The following IBTK variants were observed in gnomAD, a reference collection of about 807,000 sequenced individuals.
IBTK encodes BTK-binding protein.
A neutral mutation model predicts 154.9 loss-of-function variants in IBTK; 83 were observed. The ratio of observed to expected loss-of-function variants is 0.54; its 90% CI spans 0.45 to 0.64. The LOEUF is 0.64. Among genes scored for constraint, IBTK ranks in the 30% least tolerant of loss-of-function variants. The probability of loss-of-function intolerance (pLI) is 0.00; values close to 1 mark genes in which losing one functional copy is unlikely to be tolerated. For missense variants in IBTK, 1,332 were observed against 1,584.6 expected, an observed-to-expected ratio of 0.84 and a Z score of 2.71; for synonymous variants, 515 against 536.1, an observed-to-expected ratio of 0.96 and a Z score of 0.54.
chr6:82,202,379 A>G (rs887753188), intron 18 of IBTK, 149 bp downstream of exon 18: 10 of 585,478 alleles, frequency 1.7e-5, no homozygotes, highest in Non-Finnish European at 3.0e-5. Context: ...TAATTCTAAA[A>G]TGTACATAAC....
chr6:82,208,216 T>C (rs1396958723), intron 16 of IBTK, among the ~76,000 whole-genome samples: 1 of 151,376 alleles, frequency 6.6e-6, no homozygotes, highest in Admixed American at 6.6e-5. Flanking sequence ...AATATAGATA[T>C]TATACATATA....
rs544363123 is a variant in IBTK, at chr6:82,228,650, C to G, written c.544-1348G>C. Reference sequence around the variant, plus strand: ...TTTTTTTTTTTTTTTGAGACGGAGTCTCGCTCTGTCACCCAGGCTGGAGTG... The same window carrying G: ...TTTTTTTTTTTTTTTGAGACGGAGTGTCGCTCTGTCACCCAGGCTGGAGTG... On this transcript the variant is annotated intron_variant, in intron 4 of 28. Transcript: ENST00000306270. Among the ~76,000 whole-genome samples, 24 of 149,874 alleles carry G rather than the reference C, an allele frequency of 1.6e-4. No homozygotes were observed. The South Asian group carries it at 5.0e-3, about 32-fold the overall frequency.
intron 5 of IBTK, among the ~76,000 whole-genome samples, chr6:82,225,980 C>A (rs1429266479): frequency 6.6e-6 from 1 of 151,584 alleles, no homozygotes; most frequent in African/African-American, 2.4e-5. Context: ...GAAAAAAAAA[C>A]AAAAATACAG....
chr6:82,231,889 T>C (rs745795525), intron 3 of IBTK, 47 bp from the exon 4 acceptor site: 4 of 1,113,022 alleles, frequency 3.6e-6, no homozygotes, highest in East Asian at 2.6e-5. Flanking sequence ...TTAAAACACA[T>C]ATAAGAACTA....
intron 3 of IBTK, among the ~76,000 whole-genome samples, chr6:82,232,048 T>C (rs925344868): frequency 7.7e-6 from 1 of 129,574 alleles, no homozygotes; most frequent in African/African-American, 3.0e-5. Context: ...CTTGCTTCTT[T>C]TTTTTTTGTT....
Position 82,224,146 on chromosome 6 carries a change from C to T in IBTK, c.865G>A (p.Val289Ile), listed in dbSNP as rs757965458. 2.2e-5 allele frequency: 35 copies of T among 1,614,020 alleles called. No homozygotes were observed. The highest frequency in any genetic ancestry group is 6.6e-5 in the South Asian group (6 of 91,080). ...KYLKGRTIIG[V>I]AAGRFHTVLW... ...ACTGTATGAAACCTGCCTGCTGCAA[C>T]GCCAATGATTGTCCTTCCTTTCAGA... The change falls in exon 7 of 29, where the codon GTT (valine) becomes ATT (isoleucine). Residue 289 changes from valine to isoleucine, a missense_variant. Physicochemically the swap from Val to Ile is conservative, Grantham distance 29 (BLOSUM62 3). Transcript: ENST00000306270.
chr6:82,190,026 A>G (rs905099213), intron 25 of IBTK, among the ~76,000 whole-genome samples: 22 of 152,134 alleles, frequency 1.4e-4, no homozygotes, highest in Middle Eastern at 3.2e-3. Flanking sequence ...GAAGGTGCTT[A>G]ACAAATACTG....
chr6:82,196,070 G>C (rs1768974788), intron 22 of IBTK, among the ~76,000 whole-genome samples: 1 of 151,908 alleles, frequency 6.6e-6, no homozygotes, highest in South Asian at 2.1e-4. Context: ...TTATATTTTA[G>C]TTGCACAAAG....
chr6:82,243,256 G>C (rs2127831151), intron 1 of IBTK, among the ~76,000 whole-genome samples: 1 of 147,910 alleles, frequency 6.8e-6, no homozygotes, highest in Admixed American at 6.8e-5. Flanking sequence ...AAAAAAAAAA[G>C]TGTTTGGTAG....
chr6:82,194,843 A>C (rs534149975), intron 22 of IBTK, among the ~76,000 whole-genome samples: 1 of 152,298 alleles, frequency 6.6e-6, no homozygotes, highest in South Asian at 2.1e-4. Context: ...ACTATAACTG[A>C]ATTATTATGA....
chr6:82,188,843 A>G (rs1768650203), intron 25 of IBTK, among the ~76,000 whole-genome samples: 1 of 152,128 alleles, frequency 6.6e-6, no homozygotes, highest in South Asian at 2.1e-4. Context: ...CAGCCTTGCC[A>G]ACATGGTGAA....
At position 82,191,224 on chromosome 6, in the gene IBTK, T is replaced by G; in HGVS notation, c.3432-8A>C. On this transcript the variant is annotated splice_polypyrimidine_tract_variant and splice_region_variant and intron_variant, in intron 24 of 28. Transcript: ENST00000306270. Reference sequence around the variant, plus strand: ...CCATGAGAAACTGTTTTGCTAGAAATTAAACCAATTAGTTTCAGTGGTTTC... The same window carrying G: ...CCATGAGAAACTGTTTTGCTAGAAAGTAAACCAATTAGTTTCAGTGGTTTC... 6.3e-7 allele frequency: 1 copy of G among 1,598,094 alleles called. No individual in the cohort carries two copies. The highest frequency in any genetic ancestry group is 1.1e-5 in the South Asian group (1 of 87,052).
At chr6:82,237,661 G>A (rs1291301) in intron 2 of IBTK, among the ~76,000 whole-genome samples, 23,825 of 143,486 alleles carry the variant, frequency 0.17, 2,060 homozygotes, top group African/African-American at 0.18. Flanking sequence ...AGATAGTAGT[G>A]GTAGTAGTAG....
At chr6:82,201,620 C>A (rs1052672306) in intron 18 of IBTK, 138 bp from the exon 19 acceptor site, 6 of 498,680 alleles carry the variant, frequency 1.2e-5, no homozygotes, top group Non-Finnish European at 2.1e-5. Context: ...GCAGTTGCTA[C>A]AAATTCCTTT....
chr6:82,227,112 A>C, intron 5 of IBTK, 80 bp downstream of exon 5: 1 of 959,808 alleles, frequency 1.0e-6, no homozygotes. Flanking sequence ...CAGTTGAAAA[A>C]AAAATTTAGT....
intron 2 of IBTK, among the ~76,000 whole-genome samples, chr6:82,235,647 A>C (rs1212217256): frequency 6.6e-6 from 1 of 152,016 alleles, no homozygotes; most frequent in Non-Finnish European, 1.5e-5. Flanking sequence ...ATTTCAAATC[A>C]GTTTATTTAG....
rs1376715694 is a variant in IBTK, at chr6:82,196,359, C to T, written c.3113G>A (p.Gly1038Asp). The change falls in exon 22 of 29, where the codon GGT becomes GAT. Residue 1038 changes from glycine to aspartate, a missense_variant. Gly to Asp is a moderately conservative substitution (Grantham distance 94). Transcript: ENST00000306270. Reference protein sequence around the residue: ...SDSEGSYAGVGSPRDLQSPDF... With the variant: ...SDSEGSYAGVDSPRDLQSPDF... ...AGGGGACTGTAAATCTCTAGGACTA[C>T]CCACTCCTGCATAGCTTCCTTCAGA... The T allele has an allele frequency of 1.9e-6, 3 of 1,612,732 alleles. No homozygotes were observed. Among genetic ancestry groups the T allele is most frequent in the African/African-American group, 1.3e-5 (1 of 74,984 alleles).
At position 82,231,816 on chromosome 6, in the gene IBTK, C is replaced by T. The variant is rs138318629; in HGVS notation, c.445G>A (p.Asp149Asn). ...TDPTDVYTWGDNTNFTLGHGS... is the reference protein window; with the variant it reads ...TDPTDVYTWGNNTNFTLGHGS... ...TGACCCAGGGTAAAATTTGTATTAT[C>T]GCCCCAAGTATAAACATCTGTAGGA... Residue 149 changes from aspartate to asparagine, a missense_variant, in exon 4 of 29, where the codon GAT (aspartate) becomes AAT (asparagine). Asp to Asn is a conservative substitution (Grantham distance 23). This residue lies in a region of IBTK where 114 missense variants were observed against 213.7 expected (regional missense o/e 0.53). Transcript: ENST00000306270. 26 of 1,592,776 alleles carry T rather than the reference C, an allele frequency of 1.6e-5. No homozygotes were observed. The African/African-American group carries it at 1.9e-4, about 12-fold the overall frequency.
intron 3 of IBTK, 72 bp downstream of exon 3, chr6:82,234,087 C>T: frequency 3.5e-6 from 2 of 578,966 alleles, no homozygotes; most frequent in South Asian, 2.8e-5. Flanking sequence ...GATCCGCCTG[C>T]CTCAGCCTAC....
Sources: allele counts gnomAD v4.1 joint callset (sites outside exome capture counted in the v4.1 genomes callset), GRCh38; gene constraint gnomAD v4.1.1; regional missense constraint gnomAD v4.1.1; transcripts MANE v1.5; gene names NCBI Gene and HGNC (gene_info 2026-07-23, HGNC 2026-07-21).